Variants in LRRN2 observed in about 807,000 individuals in gnomAD.
The protein encoded by LRRN2 is leucine-rich repeat neuronal protein 2.
In LRRN2, 10 loss-of-function variants were observed where a neutral mutation model predicts 35.7. The observed-to-expected ratio is 0.28, with a 90% CI of 0.17 to 0.47. LRRN2 has a LOEUF of 0.47. Ranked by LOEUF, LRRN2 falls within the 20% of genes least tolerant of loss-of-function variation. The pLI, the probability that LRRN2 is intolerant of heterozygous loss-of-function variation, is 0.99. For missense variants in LRRN2, 731 were observed against 940.3 expected (o/e 0.78, Z 2.91); for synonymous variants, 391 against 409.6 (o/e 0.95, Z 0.55).
At chr1:204,637,841 G>T (rs1419103967) in intron 1 of LRRN2, among the ~76,000 whole-genome samples, 5 of 152,170 alleles carry the variant, frequency 3.3e-5, no homozygotes, top group Admixed American at 3.3e-4. Context: ...ACAGGAGTTT[G>T]TGCTCCCATC....
At chr1:204,652,185 A>AT in intron 1 of LRRN2, among the ~76,000 whole-genome samples, 1 of 151,874 alleles carries the variant, frequency 6.6e-6, no homozygotes, top group Non-Finnish European at 1.5e-5. Context: ...TGAGAGAGAA[A>AT]GGGAGACGGA....
chr1:204,642,047 C>T (rs760915251), intron 1 of LRRN2, among the ~76,000 whole-genome samples: 13 of 152,266 alleles, frequency 8.5e-5, no homozygotes, highest in African/African-American at 1.7e-4. Flanking sequence ...GGTGCAGTGG[C>T]GGACCAGGTA....
At chr1:204,676,677 C>T (rs1206524989) in intron 1 of LRRN2, among the ~76,000 whole-genome samples, 2 of 152,208 alleles carry the variant, frequency 1.3e-5, no homozygotes, top group East Asian at 3.8e-4. Flanking sequence ...ACTGGCAGCT[C>T]ATTCCCATTC....
At chr1:204,632,021 G>C (rs895658760) in intron 1 of LRRN2, among the ~76,000 whole-genome samples, 1 of 152,132 alleles carries the variant, frequency 6.6e-6, no homozygotes, top group African/African-American at 2.4e-5. Flanking sequence ...AGGAGTTTGA[G>C]ACCAGCCTGG....
chr1:204,666,025 G>A (rs925645643), intron 1 of LRRN2, among the ~76,000 whole-genome samples: 3 of 152,244 alleles, frequency 2.0e-5, no homozygotes, highest in African/African-American at 7.2e-5. Flanking sequence ...AGAAGCAGGA[G>A]TTGGAAGGGT....
chr1:204,684,675 T>G (rs1669027580), intron 1 of LRRN2, among the ~76,000 whole-genome samples: 1 of 152,268 alleles, frequency 6.6e-6, no homozygotes, highest in Admixed American at 6.5e-5. Context: ...CGCTTCCCCC[T>G]GACCGAGTCC....
At chr1:204,628,627 A>T (rs1214550107) in intron 1 of LRRN2, 1 of 152,202 alleles carries the variant, frequency 6.6e-6, no homozygotes, top group Non-Finnish European at 1.5e-5. Flanking sequence ...TTGGTCTCTA[A>T]GGCAGGCAAC....
chr1:204,623,112 C>T (rs1288671133), intron 1 of LRRN2, among the ~76,000 whole-genome samples: 4 of 152,068 alleles, frequency 2.6e-5, no homozygotes, highest in Non-Finnish European at 5.9e-5. Context: ...AAACACGAAA[C>T]AACTAGGAGA....
At position 204,620,110 on chromosome 1, in the gene LRRN2, A is replaced by G; in HGVS notation, c.-118T>C. On this transcript the variant is annotated 5_prime_UTR_variant, in exon 2 of 2. Coordinates refer to ENST00000367177, the MANE Select transcript of LRRN2 (RefSeq NM_201630.2). ...GCCCAAGGAACCACCCTCCCAGGGC[A>G]GTCATTCTACACCGGGCGTCACTTC... 1 of 1,477,102 alleles carries G rather than the reference A, an allele frequency of 6.8e-7. No homozygotes were observed. The highest frequency in any genetic ancestry group is 9.0e-7 in the Non-Finnish European group (1 of 1,112,408). The allele number at this position is 1,477,102 out of a possible 1,614,324, so 91.5% of individuals were successfully genotyped here.
chr1:204,625,724 G>A (rs1164740055), intron 1 of LRRN2, among the ~76,000 whole-genome samples: 2 of 152,216 alleles, frequency 1.3e-5, no homozygotes, highest in African/African-American at 4.8e-5. Flanking sequence ...GTTGGGACCA[G>A]GGTCTTTGGA....
Position 204,660,596 on chromosome 1 carries a change from C to T in LRRN2, c.-227+24724G>A, listed in dbSNP as rs1668452206. On this transcript the variant is annotated intron_variant, in intron 1 of 1. Transcript: ENST00000367177. The stretch of plus-strand genomic sequence containing the variant: ...ACACACACACTCTCTCTCTCTCTCT[C>T]TCTCTCACTTCGTCTTAGAGCCTCT... Among the ~76,000 whole-genome samples the T allele has an allele frequency of 8.5e-5, 13 of 152,134 alleles. No homozygotes were observed. In the South Asian group the frequency reaches 2.7e-3, roughly 32 times the overall value.
intron 1 of LRRN2, among the ~76,000 whole-genome samples, chr1:204,641,808 T>G (rs1667983987): frequency 6.6e-6 from 1 of 152,228 alleles, no homozygotes; most frequent in Non-Finnish European, 1.5e-5. Context: ...AGTGCAAAAC[T>G]CCAGAACAAC....
chr1:204,637,053 C>T (rs1455895282), intron 1 of LRRN2, among the ~76,000 whole-genome samples: 2 of 151,860 alleles, frequency 1.3e-5, no homozygotes, highest in Non-Finnish European at 2.9e-5. Context: ...GGTGATAAGG[C>T]AAGTCTAATA....
intron 1 of LRRN2, among the ~76,000 whole-genome samples, chr1:204,644,942 G>A (rs1444843217): frequency 1.3e-5 from 2 of 152,136 alleles, no homozygotes; most frequent in Non-Finnish European, 2.9e-5. Flanking sequence ...TATGTGGGAG[G>A]TTGATGGTTA....
chr1:204,677,132 C>T (rs1023615899), intron 1 of LRRN2, among the ~76,000 whole-genome samples: 3 of 152,148 alleles, frequency 2.0e-5, no homozygotes, highest in Admixed American at 6.5e-5. Flanking sequence ...AACTGAGGCT[C>T]GGAAAGGTTA....
intron 1 of LRRN2, among the ~76,000 whole-genome samples, chr1:204,655,960 A>G (rs1179861160): frequency 6.6e-6 from 1 of 151,986 alleles, no homozygotes; most frequent in Non-Finnish European, 1.5e-5. Context: ...CCCAGGCTGG[A>G]GTGCAGTGGC....
At chr1:204,625,263 T>A (rs531840980) in intron 1 of LRRN2, among the ~76,000 whole-genome samples, 9 of 152,312 alleles carry the variant, frequency 5.9e-5, no homozygotes, top group Admixed American at 5.2e-4. Flanking sequence ...CCTTCTGGAA[T>A]TGCTGGGAGG....
intron 1 of LRRN2, chr1:204,633,393 A>G (rs1422351140): frequency 6.6e-5 from 10 of 152,260 alleles, no homozygotes; most frequent in Admixed American, 6.5e-4. Context: ...TGGAAAGAAG[A>G]TAAGTGACTT....
At chr1:204,676,980 C>A (rs1331366945) in intron 1 of LRRN2, among the ~76,000 whole-genome samples, 1 of 152,170 alleles carries the variant, frequency 6.6e-6, no homozygotes. Flanking sequence ...AAAATAATAT[C>A]TACTTCACAG....
Sources: gnomAD v4.1 joint callset for allele counts (sites outside exome capture counted in the v4.1 genomes callset) on GRCh38, gnomAD v4.1.1 for gene constraint, MANE v1.5 for transcripts, NCBI Gene and HGNC (gene_info 2026-07-23, HGNC 2026-07-21) for gene names.